ABI3BP: variants seen among roughly 807,000 people sequenced by gnomAD.
The protein encoded by ABI3BP is ABI family member 3 binding protein.
A neutral mutation model predicts 268.6 loss-of-function variants in ABI3BP; 216 were observed. The ratio of observed to expected loss-of-function variants is 0.80; its 90% CI spans 0.72 to 0.90. ABI3BP has a LOEUF of 0.90. Ranked by LOEUF, ABI3BP falls within the 40% of genes least tolerant of loss-of-function variation. The pLI is 0.00. For synonymous variants in ABI3BP, 730 were observed against 730.0 expected, an observed-to-expected ratio of 1.00 and a Z score of 0.00; for missense variants, 2,090 against 2,182.4, an observed-to-expected ratio of 0.96 and a Z score of 0.84.
chr3:100,915,456 C>A (rs1430855080), intron 2 of ABI3BP, among the ~76,000 whole-genome samples: 1 of 152,132 alleles, frequency 6.6e-6, no homozygotes, highest in Non-Finnish European at 1.5e-5. Context: ...GGTGTGCACA[C>A]CCAAGTCCCT....
At chr3:100,967,728 G>A (rs2081927078) in intron 1 of ABI3BP, among the ~76,000 whole-genome samples, 1 of 151,978 alleles carries the variant, frequency 6.6e-6, no homozygotes, top group Non-Finnish European at 1.5e-5. Context: ...CAACTAACTT[G>A]ACCTTTAAGT....
chr3:100,868,144 G>T (rs2099072920), intron 9 of ABI3BP, among the ~76,000 whole-genome samples: 1 of 152,052 alleles, frequency 6.6e-6, no homozygotes, highest in African/African-American at 2.4e-5. Context: ...TCACATAATC[G>T]GACAGGATTT....
intron 3 of ABI3BP, among the ~76,000 whole-genome samples, chr3:100,899,648 G>A (rs2049278025): frequency 6.6e-6 from 1 of 152,202 alleles, no homozygotes; most frequent in Non-Finnish European, 1.5e-5. Context: ...AACTGCAGAA[G>A]TAGGGCAGCG....
chr3:100,829,249 C>A (rs1409910041), intron 33 of ABI3BP, among the ~76,000 whole-genome samples: 1 of 152,108 alleles, frequency 6.6e-6, no homozygotes, highest in East Asian at 1.9e-4. Flanking sequence ...TTTGCCAACT[C>A]CTGCCTTAGA....
intron 51 of ABI3BP, 110 bp downstream of exon 51, chr3:100,804,682 A>C: frequency 1.0e-6 from 1 of 968,076 alleles, no homozygotes; most frequent in Admixed American, 2.0e-5. Context: ...ACAACATGGG[A>C]TTTAAACATA....
At chr3:100,793,159 G>A (rs73152403) in intron 54 of ABI3BP, among the ~76,000 whole-genome samples, 21,025 of 151,706 alleles carry the variant, frequency 0.14, 1,898 homozygotes, top group South Asian at 0.27. Context: ...TGGAAAGGAA[G>A]TATATCATAT....
chr3:100,891,719 A>G (rs944629173), intron 4 of ABI3BP, among the ~76,000 whole-genome samples: 1 of 152,354 alleles, frequency 6.6e-6, no homozygotes, highest in South Asian at 2.1e-4. Flanking sequence ...TAGACTGGCT[A>G]GATGATTTTT....
At chr3:100,814,266 T>G (rs1015980654) in intron 44 of ABI3BP, among the ~76,000 whole-genome samples, 2 of 152,150 alleles carry the variant, frequency 1.3e-5, no homozygotes, top group African/African-American at 4.8e-5. Flanking sequence ...GACTATTGTA[T>G]CTGAATCTCA....
chr3:100,796,088 T>C (rs2097337911), intron 52 of ABI3BP, among the ~76,000 whole-genome samples: 1 of 152,054 alleles, frequency 6.6e-6, no homozygotes, highest in Non-Finnish European at 1.5e-5. Flanking sequence ...GCACCCACTT[T>C]TTTTTACTTA....
At position 100,895,525 on chromosome 3, in the gene ABI3BP, C is replaced by T. The variant is rs116134091; in HGVS notation, c.461+3237G>A. On this transcript the variant is annotated intron_variant, in intron 4 of 67. Coordinates refer to ENST00000471714, the MANE Select transcript of ABI3BP (RefSeq NM_001375547.2). ...TGTTATTTGCACAGGATAAATGAGG[C>T]TACACAAACCAATGTAAATCATTTT... Among the ~76,000 whole-genome samples the T allele has an allele frequency of 8.9e-3, 1,353 of 152,234 alleles. 16 individuals are homozygous for T. The highest frequency in any genetic ancestry group is 0.029 in the African/African-American group (1,202 of 41,532).
intron 2 of ABI3BP, among the ~76,000 whole-genome samples, chr3:100,916,112 A>C (rs1044773121): frequency 6.6e-6 from 1 of 152,148 alleles, no homozygotes; most frequent in African/African-American, 2.4e-5. Flanking sequence ...AGCCTTGGCA[A>C]GGGCTTGATT....
At chr3:100,863,010 G>T in intron 12 of ABI3BP, 101 bp from the exon 13 acceptor site, 2 of 799,688 alleles carry the variant, frequency 2.5e-6, no homozygotes, top group South Asian at 1.7e-5. Context: ...ACACAAAAAG[G>T]CAAATCATGT....
intron 2 of ABI3BP, among the ~76,000 whole-genome samples, chr3:100,922,135 G>GTATAGCACTTTGTACTCAAGGGACTT (rs2060418592): frequency 6.6e-6 from 1 of 152,182 alleles, no homozygotes; most frequent in Admixed American, 6.5e-5. Context: ...CTTTGCTCTT[G>GTATAGCACTTTGTACTCAAGGGACTT]TATAGCACTT....
intron 44 of ABI3BP, among the ~76,000 whole-genome samples, 165 bp from the exon 45 acceptor site, chr3:100,813,900 G>T (rs1357532352): frequency 2.0e-5 from 3 of 152,164 alleles, no homozygotes; most frequent in East Asian, 3.9e-4. Flanking sequence ...GCAAACTATA[G>T]CCCTTCCAAG....
In ABI3BP at chr3:100,929,501, T is replaced by A. The variant is rs2153657234; in HGVS notation, c.80-3020A>T. The stretch of plus-strand genomic sequence containing the variant: ...CTTTTTCTAAAATTCCAGTTCATAC[T>A]ACTCTCTCGAGCTAAATTTAAAATG... On this transcript the variant is annotated intron_variant, in intron 1 of 67. Transcript: ENST00000471714. Among the ~76,000 whole-genome samples the A allele has an allele frequency of 1.3e-5, 2 of 152,238 alleles. 1 individual carries two copies. Among genetic ancestry groups the A allele is most frequent in the South Asian group, 4.1e-4 (2 of 4,826 alleles).
chr3:100,807,687 A>C (rs1327265547), intron 50 of ABI3BP, among the ~76,000 whole-genome samples: 1 of 151,978 alleles, frequency 6.6e-6, no homozygotes, highest in African/African-American at 2.4e-5. Context: ...GATGGTGCTA[A>C]ACATTTTCCT....
chr3:100,802,179 G>C lies in ABI3BP; in HGVS notation c.3757+2613C>G, dbSNP rs144189935. Among the ~76,000 whole-genome samples, 109 of 152,248 alleles carry C rather than the reference G, an allele frequency of 7.2e-4. 1 individual carries two copies. Among genetic ancestry groups the C allele is most frequent in the African/African-American group, 2.4e-3 (98 of 41,556 alleles). On this transcript the variant is annotated intron_variant, in intron 51 of 67. Transcript: ENST00000471714. The stretch of plus-strand genomic sequence containing the variant: ...AACTGAAAACATAAAACTAACTACA[G>C]AAATCCTGAAGAGTGTGACTACACA...
intron 6 of ABI3BP, among the ~76,000 whole-genome samples, chr3:100,881,733 A>C (rs1363742522): frequency 2.6e-5 from 4 of 151,794 alleles, no homozygotes; most frequent in African/African-American, 9.7e-5. Flanking sequence ...AATCATATGG[A>C]TCTCAAGTGA....
chr3:100,794,264 T>A (rs2097276493), intron 54 of ABI3BP, among the ~76,000 whole-genome samples: 1 of 151,430 alleles, frequency 6.6e-6, no homozygotes, highest in African/African-American at 2.4e-5. Context: ...GTGTGTAGAT[T>A]CTAATCCTGG....
Sources: gnomAD v4.1 joint callset for allele counts (sites outside exome capture counted in the v4.1 genomes callset) on GRCh38, gnomAD v4.1.1 for gene constraint, MANE v1.5 for transcripts, NCBI Gene and HGNC (gene_info 2026-07-23, HGNC 2026-07-21) for gene names.